PCDH17: variants seen among roughly 807,000 people sequenced by gnomAD.
The protein encoded by PCDH17 is protocadherin-17.
Under a neutral mutation model 67.7 loss-of-function variants are expected in PCDH17, and 21 were observed. The observed-to-expected ratio is 0.31, with a 90% CI of 0.22 to 0.45. The LOEUF (loss-of-function observed/expected upper bound fraction) is 0.45, where lower values mean the gene tolerates loss of function less well. Among genes scored for constraint, PCDH17 ranks in the 20% least tolerant of loss-of-function variants. The pLI, the probability that PCDH17 is intolerant of heterozygous loss-of-function variation, is 1.00. For missense variants in PCDH17, 1,471 were observed against 1,564.8 expected, an observed-to-expected ratio of 0.94 and a Z score of 1.01; for synonymous variants, 701 against 656.7, an observed-to-expected ratio of 1.07 and a Z score of -1.03.
intron 1 of PCDH17, among the ~76,000 whole-genome samples, chr13:57,650,218 T>TTTTGTGTG (rs3221653): frequency 2.9e-5 from 4 of 137,480 alleles, no homozygotes; most frequent in Non-Finnish European, 6.2e-5. Context: ...GGACCCTTGA[T>TTTTGTGTG]TGTGTGTGTG....
Position 57,632,840 on chromosome 13 carries a change from C to A in PCDH17, c.294C>A (p.His98Gln). ...TCGACCGCGAGTCCCTGTGCCGCCA[C>A]AATGCCAAGTGCCAGCTGTCCCTCG... ...QRIDRESLCR[H>Q]NAKCQLSLEV... The change falls in exon 1 of 4, where the codon CAC becomes CAA. Residue 98 changes from histidine (H) to glutamine (Q), a missense_variant. Transcript: ENST00000377918. 1 of 1,613,982 alleles carries A rather than the reference C, an allele frequency of 6.2e-7. No homozygotes were observed.
At chr13:57,637,432 A>G (rs1185917695) in intron 1 of PCDH17, among the ~76,000 whole-genome samples, 1 of 151,596 alleles carries the variant, frequency 6.6e-6, no homozygotes, top group Non-Finnish European at 1.5e-5. Flanking sequence ...AACTACAGGG[A>G]CAGTCTTTTT....
Position 57,671,916 on chromosome 13 carries a change from C to T in PCDH17, c.2797+5083C>T, listed in dbSNP as rs541609356. ...CCGGTGACTGGATTCAAGGACTTCTCTGCTTCCCAGGGATTACCATTCTAA... is the reference window on the plus strand; with the variant it reads ...CCGGTGACTGGATTCAAGGACTTCTTTGCTTCCCAGGGATTACCATTCTAA... On this transcript the variant is annotated intron_variant, in intron 3 of 3. Coordinates refer to ENST00000377918, the MANE Select transcript of PCDH17 (RefSeq NM_001040429.3). Among the ~76,000 whole-genome samples, 168 of 152,172 alleles carry T rather than the reference C, an allele frequency of 1.1e-3. 1 individual carries two copies. Among genetic ancestry groups the T allele is most frequent in the Middle Eastern group, 3.4e-3 (1 of 294 alleles).
intron 1 of PCDH17, among the ~76,000 whole-genome samples, chr13:57,652,546 C>T (rs185260999): frequency 2.2e-4 from 33 of 152,188 alleles, no homozygotes; most frequent in Admixed American, 2.0e-3. Context: ...TAAATTGTGA[C>T]TTCTTTTTTA....
At chr13:57,692,108 T>C (rs1955565001) in intron 3 of PCDH17, among the ~76,000 whole-genome samples, 1 of 151,218 alleles carries the variant, frequency 6.6e-6, no homozygotes, top group Non-Finnish European at 1.5e-5. Flanking sequence ...ACATTTTCTC[T>C]TACTATTTCT....
intron 3 of PCDH17, among the ~76,000 whole-genome samples, chr13:57,705,290 A>T (rs924618951): frequency 6.6e-6 from 1 of 152,032 alleles, no homozygotes; most frequent in East Asian, 1.9e-4. Flanking sequence ...AATATAATCA[A>T]TGCCTTTTAA....
intron 1 of PCDH17, among the ~76,000 whole-genome samples, chr13:57,650,381 G>T (rs185544716): frequency 2.2e-4 from 33 of 151,950 alleles, no homozygotes; most frequent in Non-Finnish European, 3.7e-4. Flanking sequence ...GTCTATCATT[G>T]AACTGGAATC....
intron 3 of PCDH17, among the ~76,000 whole-genome samples, chr13:57,704,857 A>T (rs1955705474): frequency 6.6e-6 from 1 of 152,126 alleles, no homozygotes. Context: ...GGATAGATTG[A>T]TTTGTAGGAT....
chr13:57,635,204 C>G, intron 1 of PCDH17, 93 bp downstream of exon 1: 2 of 1,291,194 alleles, frequency 1.5e-6, no homozygotes, highest in Non-Finnish European at 1.1e-6. Context: ...ACTCTGCCAG[C>G]AGCAGTGAGG....
At position 57,698,179 on chromosome 13, in the gene PCDH17, C is replaced by G. The variant is rs1566239715; in HGVS notation, c.2798-26433C>G. On this transcript the variant is annotated intron_variant, in intron 3 of 3. Transcript: ENST00000377918. ...ATGTTCTGAATTGATTAAATTGATT[C>G]ATTTATATACATAAATATGAAGATA... Among the ~76,000 whole-genome samples the G allele has an allele frequency of 2.0e-5, 3 of 151,036 alleles. No individual in the cohort carries two copies. In the Admixed American group the frequency reaches 2.0e-4, roughly 10 times the overall value.
At chr13:57,703,044 T>A (rs61961911) in intron 3 of PCDH17, among the ~76,000 whole-genome samples, 9,354 of 152,276 alleles carry the variant, frequency 0.061, 324 homozygotes, top group Middle Eastern at 0.099. Context: ...ACCAGTTTAC[T>A]TTTATTAAAA....
chr13:57,668,057 A>C (rs1955277580), intron 3 of PCDH17, among the ~76,000 whole-genome samples: 1 of 151,744 alleles, frequency 6.6e-6, no homozygotes, highest in African/African-American at 2.4e-5. Flanking sequence ...TTACCATAGC[A>C]ACTTTCTGTG....
chr13:57,691,645 A>G (rs937507990), intron 3 of PCDH17, among the ~76,000 whole-genome samples: 3 of 151,346 alleles, frequency 2.0e-5, no homozygotes, highest in Non-Finnish European at 4.4e-5. Flanking sequence ...CACATCAATT[A>G]AAAATTTAAA....
intron 1 of PCDH17, among the ~76,000 whole-genome samples, chr13:57,657,971 C>T (rs926719404): frequency 1.3e-5 from 2 of 152,072 alleles, no homozygotes; most frequent in Non-Finnish European, 2.9e-5. Context: ...GACATACTTA[C>T]AATTATTCTA....
chr13:57,633,590 G>T lies in PCDH17; in HGVS notation c.1044G>T (p.Ala348=), dbSNP rs1284957315. Residue 348 remains alanine (A), a synonymous_variant, in exon 1 of 4, where the codon GCG becomes GCT. Transcript: ENST00000377918. The surrounding 1 kb of genome is among the most constrained non-coding windows in gnomAD (Gnocchi z 6.2). ...AGCTCATCGACCGCAACGACAATGC[G>T]CCGTCCATCGGTTTCGTCTCCGTGC... ...TVKLIDRNDN[A]PSIGFVSVRQ... 1.2e-6 allele frequency: 2 copies of T among 1,612,944 alleles called. No homozygotes were observed. Among genetic ancestry groups the T allele is most frequent in the Non-Finnish European group, 1.7e-6 (2 of 1,180,038 alleles).
chr13:57,675,652 G>C (rs1955384089), intron 3 of PCDH17, among the ~76,000 whole-genome samples: 1 of 151,964 alleles, frequency 6.6e-6, no homozygotes, highest in Non-Finnish European at 1.5e-5. Flanking sequence ...AAGCACAGAT[G>C]ACGTGAACCA....
intron 3 of PCDH17, among the ~76,000 whole-genome samples, chr13:57,713,714 T>A (rs1182585206): frequency 6.6e-6 from 1 of 151,612 alleles, no homozygotes; most frequent in Non-Finnish European, 1.5e-5. Context: ...TATTATTATT[T>A]TTCTGTGTGT....
rs748603412 is a variant in PCDH17, at chr13:57,634,601, C to A, written c.2055C>A (p.Ser685Arg). 6.2e-7 allele frequency: 1 copy of A among 1,613,374 alleles called. No individual in the cohort carries two copies. Among genetic ancestry groups the A allele is most frequent in the Non-Finnish European group, 8.5e-7 (1 of 1,180,010 alleles). Residue 685 changes from serine (S) to arginine (R), a missense_variant, in exon 1 of 4, where the codon AGC becomes AGA. Ser to Arg is a moderately radical substitution (Grantham distance 110). Coordinates refer to ENST00000377918, the MANE Select transcript of PCDH17 (RefSeq NM_001040429.3). This position sits in a 1 kb window ranked among gnomAD's most constrained non-coding sequence, Gnocchi z 7.8. ...AVAKLIIRSVSGSLPEGVPRV... is the reference protein window; with the variant it reads ...AVAKLIIRSVRGSLPEGVPRV... The stretch of plus-strand genomic sequence containing the variant: ...CCAAGCTCATCATCCGCTCGGTGAG[C>A]GGATCCCTTCCCGAGGGGGTACCAC...
intron 3 of PCDH17, among the ~76,000 whole-genome samples, chr13:57,716,589 C>G (rs566589266): frequency 6.6e-6 from 1 of 151,886 alleles, no homozygotes; most frequent in Non-Finnish European, 1.5e-5. Context: ...AATATTACAA[C>G]CTACGCTTTT....
Sources: gnomAD v4.1 joint callset for allele counts (sites outside exome capture counted in the v4.1 genomes callset) on GRCh38, gnomAD v4.1.1 for gene constraint, Gnocchi (gnomAD v3.1) non-coding constraint, MANE v1.5 for transcripts, NCBI Gene and HGNC (gene_info 2026-07-23, HGNC 2026-07-21) for gene names.